CUX1: variants seen among roughly 807,000 people sequenced by gnomAD.
CUX1 encodes the protein protein CASP.
A neutral mutation model predicts 158.8 loss-of-function variants in CUX1; 31 were observed. That is an observed-to-expected ratio of 0.20 (90% CI 0.15 to 0.26). The LOEUF (loss-of-function observed/expected upper bound fraction) is 0.26. CUX1 is among the 10% of genes least tolerant of loss of function. The pLI is 1.00. For synonymous variants in CUX1, 879 were observed against 862.1 expected (o/e 1.02, Z -0.34); for missense variants, 1,589 against 2,014.6 (o/e 0.79, Z 4.04).
chr7:101,842,871 TA>T (rs1352343674), intron 1 of CUX1, among the ~76,000 whole-genome samples: 6 of 116,556 alleles, frequency 5.1e-5, no homozygotes, highest in South Asian at 2.6e-4. Flanking sequence ...AAAATTATTC[TA>T]TTTTTTTTTT....
At chr7:102,038,990 C>T (rs12540714) in intron 3 of CUX1, among the ~76,000 whole-genome samples, 34 of 152,150 alleles carry the variant, frequency 2.2e-4, no homozygotes, top group Admixed American at 2.0e-3. Flanking sequence ...CCTGGAAAAC[C>T]AGTTCAGAAA....
intron 23 of CUX1, among the ~76,000 whole-genome samples, chr7:102,241,412 T>A (rs1554534923): frequency 6.6e-6 from 1 of 152,122 alleles, no homozygotes; most frequent in Admixed American, 6.5e-5. Flanking sequence ...GGGTAGGTGC[T>A]CCTGGTTCAA....
intron 8 of CUX1, among the ~76,000 whole-genome samples, chr7:102,129,132 C>T (rs1340930116): frequency 1.3e-5 from 2 of 152,214 alleles, no homozygotes; most frequent in South Asian, 2.1e-4. Flanking sequence ...TCTCTTCCCA[C>T]TCTTAAGAAT....
intron 4 of CUX1, among the ~76,000 whole-genome samples, chr7:102,071,376 G>T (rs1826108539): frequency 6.6e-6 from 1 of 152,162 alleles, no homozygotes; most frequent in Non-Finnish European, 1.5e-5. Flanking sequence ...CAGGTAGAGT[G>T]CCTTGAACTC....
At chr7:101,875,464 T>C (rs1799032380) in intron 1 of CUX1, among the ~76,000 whole-genome samples, 1 of 152,228 alleles carries the variant, frequency 6.6e-6, no homozygotes. Flanking sequence ...AATGTATTTT[T>C]GTCACACTGC....
At position 101,942,000 on chromosome 7, in the gene CUX1, C is replaced by G. The variant is rs114519111; in HGVS notation, c.141+25775C>G. 7.0e-3 allele frequency among the ~76,000 whole-genome samples: 1,062 copies of G among 152,292 alleles called. 12 individuals carry two copies. Among genetic ancestry groups the G allele is most frequent in the African/African-American group, 0.024 (1,004 of 41,562 alleles). On this transcript the variant is annotated intron_variant, in intron 2 of 23. Coordinates refer to ENST00000292535, the MANE Select transcript of CUX1 (RefSeq NM_181552.4). ...GAGGTGAAACTGCAACGTTATCAAA[C>G]ATGCCAGTACACACTGTTTCCCAGG...
intron 1 of CUX1, among the ~76,000 whole-genome samples, chr7:101,906,219 T>C (rs1268472429): frequency 6.6e-6 from 1 of 151,980 alleles, no homozygotes; most frequent in East Asian, 1.9e-4. Context: ...ACACAGTCCT[T>C]GCTGGAGTTC....
At chr7:102,099,488 T>TC (rs1829563367) in intron 5 of CUX1, among the ~76,000 whole-genome samples, 7 of 149,628 alleles carry the variant, frequency 4.7e-5, no homozygotes, top group Non-Finnish European at 7.5e-5. Context: ...TTTTTTTTTT[T>TC]TCCCCTTCAT....
chr7:101,935,473 G>A (rs553530684), intron 2 of CUX1, among the ~76,000 whole-genome samples: 12 of 152,310 alleles, frequency 7.9e-5, no homozygotes, highest in Non-Finnish European at 1.2e-4. Flanking sequence ...GCCTGGCTCC[G>A]TCCACGCTTT....
upstream of CUX1, chr7:101,816,902 G>C: frequency 2.0e-6 from 2 of 980,384 alleles, no homozygotes; most frequent in South Asian, 4.7e-5. Flanking sequence ...GGCACCCCGC[G>C]TGTGGCTCCC....
At chr7:101,967,049 T>C (rs1279350910) in intron 2 of CUX1, among the ~76,000 whole-genome samples, 1 of 152,098 alleles carries the variant, frequency 6.6e-6, no homozygotes, top group African/African-American at 2.4e-5. Context: ...AGTCTCACTC[T>C]GTTGCCCAGG....
chr7:101,866,435 C>T (rs561272396), intron 1 of CUX1, among the ~76,000 whole-genome samples: 1 of 152,080 alleles, frequency 6.6e-6, no homozygotes, highest in Non-Finnish European at 1.5e-5. Context: ...CACCACTGCA[C>T]TCCAGCCTGG....
chr7:102,179,259 G>A (rs145331575), intron 11 of CUX1, among the ~76,000 whole-genome samples: 222 of 152,276 alleles, frequency 1.5e-3, no homozygotes, highest in African/African-American at 4.8e-3. Context: ...CATTGGCCAG[G>A]CTGGTCTTGA....
intron 5 of CUX1, among the ~76,000 whole-genome samples, chr7:102,100,577 C>A (rs1303382682): frequency 1.3e-5 from 2 of 152,186 alleles, no homozygotes; most frequent in Non-Finnish European, 2.9e-5. Flanking sequence ...CATTTCCTCT[C>A]CCCCACTTCC....
intron 8 of CUX1, among the ~76,000 whole-genome samples, chr7:102,126,527 T>C (rs751688719): frequency 6.6e-6 from 1 of 152,190 alleles, no homozygotes; most frequent in African/African-American, 2.4e-5. Context: ...AATGGCATTA[T>C]GTCCCCTAAA....
chr7:102,185,307 T>C (rs1356363435), intron 11 of CUX1, among the ~76,000 whole-genome samples: 2 of 152,226 alleles, frequency 1.3e-5, no homozygotes, highest in East Asian at 1.9e-4. Flanking sequence ...CCAATATTTT[T>C]TTAATCCTCA....
chr7:102,280,567 A>G (rs1791985944), intron 19 of CUX1, among the ~76,000 whole-genome samples: 1 of 152,046 alleles, frequency 6.6e-6, no homozygotes, highest in African/African-American at 2.4e-5. Context: ...TCCCATGGGC[A>G]GAATGGACGG....
At chr7:102,019,517 G>A (rs1819089247) in intron 2 of CUX1, among the ~76,000 whole-genome samples, 1 of 152,168 alleles carries the variant, frequency 6.6e-6, no homozygotes, top group Admixed American at 6.5e-5. Context: ...GAGCCACCAT[G>A]CCCGGTCTCA....
At chr7:102,216,208 C>T (rs1797026423) in intron 20 of CUX1, among the ~76,000 whole-genome samples, 1 of 152,070 alleles carries the variant, frequency 6.6e-6, no homozygotes, top group Admixed American at 6.6e-5. Flanking sequence ...GTCCCAGCTA[C>T]TTTGGAGGCT....
Sources: gnomAD v4.1 joint callset for allele counts (sites outside exome capture counted in the v4.1 genomes callset) on GRCh38, gnomAD v4.1.1 for gene constraint, MANE v1.5 for transcripts, NCBI Gene and HGNC (gene_info 2026-07-23, HGNC 2026-07-21) for gene names.